ZMAT3: variants seen among roughly 807,000 people sequenced by gnomAD.
ZMAT3 encodes the protein zinc finger matrin-type protein 3.
Under a neutral mutation model 32.3 loss-of-function variants are expected in ZMAT3, and 17 were observed. That is an observed-to-expected ratio of 0.53 (90% confidence interval 0.36 to 0.79). The LOEUF (loss-of-function observed/expected upper bound fraction) is 0.79. Among genes scored for constraint, ZMAT3 ranks in the 30% least tolerant of loss-of-function variants. ZMAT3 has a pLI of 0.00. For missense variants in ZMAT3, 329 were observed against 359.7 expected (o/e 0.91, Z 0.69); for synonymous variants, 120 against 133.1 (o/e 0.90, Z 0.68).
intron 1 of ZMAT3, among the ~76,000 whole-genome samples, chr3:179,068,511 CAA>C (rs61604639): frequency 3.6e-5 from 5 of 137,014 alleles, no homozygotes; most frequent in Admixed American, 7.4e-5. Context: ...GACTGTGACT[CAA>C]AAAAAAAAAA....
At position 179,022,066 on chromosome 3, in the gene ZMAT3, T is replaced by C. The variant is rs1406248211; in HGVS notation, c.*2951A>G. On this transcript the variant is annotated 3_prime_UTR_variant, in exon 6 of 6. Coordinates refer to ENST00000311417, the MANE Select transcript of ZMAT3 (RefSeq NM_022470.4). ...GTGTCCTATAAAACAAACACATAGC[T>C]CTTTTTTAGTGCAAAGAAATATAGC... The C allele has an allele frequency of 2.0e-5, 3 of 152,178 alleles. No homozygotes were observed. Among genetic ancestry groups the C allele is most frequent in the Non-Finnish European group, 4.4e-5 (3 of 68,020 alleles). The allele number at this position is 152,178 out of a possible 1,614,324, so 9.4% of individuals were successfully genotyped here.
intron 2 of ZMAT3, among the ~76,000 whole-genome samples, chr3:179,032,955 C>G (rs1719364226): frequency 6.6e-6 from 1 of 152,090 alleles, no homozygotes; most frequent in African/African-American, 2.4e-5. Context: ...TGAGGAGCCT[C>G]TCTGCCCGGC....
chr3:179,050,993 A>G (rs919824231), intron 2 of ZMAT3, among the ~76,000 whole-genome samples: 1 of 152,248 alleles, frequency 6.6e-6, no homozygotes, highest in Non-Finnish European at 1.5e-5. Flanking sequence ...ACCTTAAGGT[A>G]ATAAAAGCCA....
In ZMAT3 at chr3:179,027,565, A is replaced by G. The variant is rs1718939620; in HGVS notation, c.558-42T>C. 1.9e-6 allele frequency: 3 copies of G among 1,613,854 alleles called. No individual in the cohort carries two copies. In the South Asian group the frequency reaches 3.3e-5, roughly 18 times the overall value. ...TAAAAAAGAGTGAGTCTTCTAAACA[A>G]GAATCCCTTTCTACTCTTTTTCTTT... On this transcript the variant is annotated intron_variant, in intron 4 of 5. Transcript: ENST00000311417.
At chr3:179,066,620 G>T (rs980552323) in intron 2 of ZMAT3, among the ~76,000 whole-genome samples, 4 of 152,048 alleles carry the variant, frequency 2.6e-5, no homozygotes, top group African/African-American at 9.7e-5. Context: ...GTGATGACCC[G>T]GGAAGACATC....
At chr3:179,058,964 C>T (rs1721010903) in intron 2 of ZMAT3, among the ~76,000 whole-genome samples, 1 of 152,066 alleles carries the variant, frequency 6.6e-6, no homozygotes, top group Non-Finnish European at 1.5e-5. Context: ...CCTACCTAGT[C>T]CTCCATGCCT....
At chr3:179,051,900 C>T (rs192875518) in intron 2 of ZMAT3, among the ~76,000 whole-genome samples, 1 of 152,192 alleles carries the variant, frequency 6.6e-6, no homozygotes, top group African/African-American at 2.4e-5. Flanking sequence ...TGATCTTCAA[C>T]AAAACAAACA....
chr3:179,019,872 G>T lies in ZMAT3; in HGVS notation c.*5145C>A, dbSNP rs1400729616. ...GTTTGAAAATGACCACTAGAATAAA[G>T]AATTTTTCCAAACATCAGTGTCAAG... is the stretch of plus-strand genomic sequence containing the variant. On this transcript the variant is annotated 3_prime_UTR_variant, in exon 6 of 6. Coordinates refer to ENST00000311417, the MANE Select transcript of ZMAT3 (RefSeq NM_022470.4). 4.6e-5 allele frequency: 7 copies of T among 152,008 alleles called. No homozygotes were observed. Among genetic ancestry groups the T allele is most frequent in the Admixed American group, 4.6e-4 (7 of 15,258 alleles). 9.4% of individuals were successfully genotyped at this position (152,008 alleles called of 1,614,324 possible).
At position 179,018,835 on chromosome 3, in the gene ZMAT3, T is replaced by C. The variant is rs1459741444; in HGVS notation, c.*6182A>G. ...GAGGAAGTGTGGATAATTACAATTC[T>C]CAAGGAATTCAAATCAAATTCTTTA... On this transcript the variant is annotated 3_prime_UTR_variant, in exon 6 of 6. Transcript: ENST00000311417. 1 of 152,208 alleles carries C rather than the reference T, an allele frequency of 6.6e-6. No individual in the cohort carries two copies. The highest frequency in any genetic ancestry group is 1.9e-4 in the East Asian group (1 of 5,202). 9.4% of individuals were successfully genotyped at this position (152,208 alleles called of 1,614,324 possible).
In ZMAT3 at chr3:179,024,464, T is replaced by C. The variant is rs1050758266; in HGVS notation, c.*553A>G. ...CTTTAACAGTACATAAAACTACAAT[T>C]GCAAAAGAAAATGGCAGAAAAAAAT... On this transcript the variant is annotated 3_prime_UTR_variant, in exon 6 of 6. Coordinates refer to ENST00000311417, the MANE Select transcript of ZMAT3 (RefSeq NM_022470.4). 1 of 152,240 alleles carries C rather than the reference T, an allele frequency of 6.6e-6. No individual in the cohort carries two copies. Among genetic ancestry groups the C allele is most frequent in the African/African-American group, 2.5e-5 (1 of 40,488 alleles). 9.4% of individuals were successfully genotyped at this position (152,240 alleles called of 1,614,324 possible).
chr3:179,039,007 G>A (rs1457510213), intron 2 of ZMAT3, among the ~76,000 whole-genome samples: 1 of 152,256 alleles, frequency 6.6e-6, no homozygotes, highest in Non-Finnish European at 1.5e-5. Flanking sequence ...CTGGCTGGGG[G>A]AGGGGCCTCA....
intron 2 of ZMAT3, among the ~76,000 whole-genome samples, chr3:179,053,892 A>G (rs1295961312): frequency 6.6e-6 from 1 of 152,372 alleles, no homozygotes; most frequent in South Asian, 2.1e-4. Context: ...CCTGGATTAA[A>G]TAACTAGAAC....
In ZMAT3 at chr3:179,020,941, T is replaced by C. The variant is rs538877105; in HGVS notation, c.*4076A>G. On this transcript the variant is annotated 3_prime_UTR_variant, in exon 6 of 6. Transcript: ENST00000311417. ...CAAGCATATAGTTCTGTAGAAAAGC[T>C]TTCTAAAATGAGGTGGAAGATCTCG... 6.6e-6 allele frequency: 1 copy of C among 152,350 alleles called. No individual in the cohort carries two copies. Among genetic ancestry groups the C allele is most frequent in the East Asian group, 1.9e-4 (1 of 5,192 alleles). 9.4% of individuals were successfully genotyped at this position (152,350 alleles called of 1,614,324 possible).
At chr3:179,027,578 A>C in intron 4 of ZMAT3, 55 bp from the exon 5 acceptor site, 2 of 1,613,750 alleles carry the variant, frequency 1.2e-6, no homozygotes, top group Non-Finnish European at 1.7e-6. Context: ...ATCCCTTTCT[A>C]CTCTTTTTCT....
chr3:179,043,484 A>G (rs1215486533), intron 2 of ZMAT3, among the ~76,000 whole-genome samples: 2 of 152,246 alleles, frequency 1.3e-5, no homozygotes, highest in African/African-American at 2.4e-5. Flanking sequence ...AGGATTCCCT[A>G]TTTAATAAAT....
In ZMAT3 at chr3:179,017,445, T is replaced by G. The variant is rs200016751; in HGVS notation, c.*7572A>C. On this transcript the variant is annotated 3_prime_UTR_variant, in exon 6 of 6. Transcript: ENST00000311417. ...GTAGTTTCAATTTCACAATTCACAG[T>G]TGATTGGTTTTAATCCCATGACACG... is the stretch of plus-strand genomic sequence containing the variant. The G allele has an allele frequency of 6.6e-6, 1 of 152,142 alleles. No individual in the cohort carries two copies. Among genetic ancestry groups the G allele is most frequent in the East Asian group, 1.9e-4 (1 of 5,192 alleles). 9.4% of individuals were successfully genotyped at this position (152,142 alleles called of 1,614,324 possible). A position where few individuals can be genotyped will look rare whatever the true frequency, so the allele number is the denominator to read the frequency against.
intron 2 of ZMAT3, among the ~76,000 whole-genome samples, chr3:179,054,957 A>C (rs59402446): frequency 0.61 from 93,007 of 151,994 alleles, 28,637 homozygotes; most frequent in East Asian, 0.8. Context: ...TAATAGAGCT[A>C]TAATACTCAC....
At chr3:179,064,148 C>T (rs1442388383) in intron 2 of ZMAT3, among the ~76,000 whole-genome samples, 1 of 152,196 alleles carries the variant, frequency 6.6e-6, no homozygotes, top group African/African-American at 2.4e-5. Context: ...ACAATGGCAT[C>T]AACTGACTAA....
At chr3:179,051,798 C>T (rs1243757641) in intron 2 of ZMAT3, among the ~76,000 whole-genome samples, 4 of 152,120 alleles carry the variant, frequency 2.6e-5, no homozygotes, top group Non-Finnish European at 5.9e-5. Flanking sequence ...CTACAGTCAC[C>T]AAAACAGCAT....
Sources: gnomAD v4.1 joint callset for allele counts (sites outside exome capture counted in the v4.1 genomes callset) on GRCh38, gnomAD v4.1.1 for gene constraint, MANE v1.5 for transcripts, NCBI Gene and HGNC (gene_info 2026-07-23, HGNC 2026-07-21) for gene names.